PRDM5: variants seen among roughly 807,000 people sequenced by gnomAD.
The protein encoded by PRDM5 is PR domain zinc finger protein 5.
A neutral mutation model predicts 81.2 loss-of-function variants in PRDM5; 56 were observed. The observed-to-expected ratio is 0.69, with a 90% confidence interval of 0.56 to 0.86. The LOEUF (loss-of-function observed/expected upper bound fraction) is 0.86, where lower values mean the gene tolerates loss of function less well. Ranked by LOEUF, PRDM5 falls within the 40% of genes least tolerant of loss-of-function variation. The pLI is 0.00. For missense variants in PRDM5, 697 were observed against 770.1 expected, an observed-to-expected ratio of 0.91 and a Z score of 1.12; for synonymous variants, 267 against 256.4, an observed-to-expected ratio of 1.04 and a Z score of -0.39.
At chr4:120,914,671 T>A (rs1054521152) in intron 1 of PRDM5, among the ~76,000 whole-genome samples, 3 of 152,146 alleles carry the variant, frequency 2.0e-5, no homozygotes, top group Non-Finnish European at 4.4e-5. Context: ...ATGCTTTGTA[T>A]CAACTGCATT....
intron 10 of PRDM5, 98 bp from the exon 11 acceptor site, chr4:120,785,189 G>C (rs1578725391): frequency 1.1e-6 from 1 of 913,872 alleles, no homozygotes; most frequent in East Asian, 2.5e-5. Context: ...GAGGAAAGAA[G>C]GGAAGGTGGA....
chr4:120,732,643 C>T (rs1740441177), intron 14 of PRDM5, among the ~76,000 whole-genome samples: 1 of 151,976 alleles, frequency 6.6e-6, no homozygotes, highest in Non-Finnish European at 1.5e-5. Flanking sequence ...TAACATATTA[C>T]TAAAAATAAA....
chr4:120,906,770 G>A (rs1579199578), intron 2 of PRDM5, among the ~76,000 whole-genome samples: 1 of 152,130 alleles, frequency 6.6e-6, no homozygotes, highest in Non-Finnish European at 1.5e-5. Flanking sequence ...ACATTTTAAG[G>A]CGGGATTTTT....
At chr4:120,724,610 G>T (rs1167984981) in intron 14 of PRDM5, among the ~76,000 whole-genome samples, 1 of 152,134 alleles carries the variant, frequency 6.6e-6, no homozygotes, top group African/African-American at 2.4e-5. Flanking sequence ...ATGTGATGGT[G>T]GCAAGTGTAA....
chr4:120,741,698 C>T (rs186696306), intron 14 of PRDM5, among the ~76,000 whole-genome samples: 5 of 152,184 alleles, frequency 3.3e-5, no homozygotes, highest in African/African-American at 9.6e-5. Flanking sequence ...TCACTCCCAC[C>T]CGAATACTGC....
At chr4:120,910,117 T>A (rs1049275934) in intron 1 of PRDM5, among the ~76,000 whole-genome samples, 1 of 152,124 alleles carries the variant, frequency 6.6e-6, no homozygotes, top group Non-Finnish European at 1.5e-5. Context: ...ACAGAACTCA[T>A]TGATGGGCTG....
At chr4:120,738,432 T>C (rs1271347001) in intron 14 of PRDM5, among the ~76,000 whole-genome samples, 1 of 152,140 alleles carries the variant, frequency 6.6e-6, no homozygotes, top group Non-Finnish European at 1.5e-5. Flanking sequence ...TAATTTAACT[T>C]ATTTATATAA....
At chr4:120,858,798 AT>A (rs138266022) in intron 2 of PRDM5, among the ~76,000 whole-genome samples, 18,309 of 152,218 alleles carry the variant, frequency 0.12, 1,306 homozygotes, top group East Asian at 0.17. Context: ...TACAAAGTTA[AT>A]ATAAAAGTAC....
At chr4:120,882,455 T>A (rs1164112986) in intron 2 of PRDM5, among the ~76,000 whole-genome samples, 1 of 152,148 alleles carries the variant, frequency 6.6e-6, no homozygotes, top group Non-Finnish European at 1.5e-5. Context: ...GCCACCTTCT[T>A]CCATCTTCAT....
chr4:120,916,032 A>G (rs1274194763), intron 1 of PRDM5, among the ~76,000 whole-genome samples: 1 of 152,188 alleles, frequency 6.6e-6, no homozygotes, highest in Non-Finnish European at 1.5e-5. Flanking sequence ...CAAGTGTTAT[A>G]AGAAATGTTA....
chr4:120,694,825 C>A lies in PRDM5; in HGVS notation c.*286G>T. 1 of 399,342 alleles carries A rather than the reference C, an allele frequency of 2.5e-6. No individual in the cohort carries two copies. Among genetic ancestry groups the A allele is most frequent in the South Asian group, 2.5e-5 (1 of 40,208 alleles). 24.7% of individuals were successfully genotyped at this position (399,342 alleles called of 1,614,324 possible). A position where few individuals can be genotyped will look rare whatever the true frequency, so the allele number is the denominator to read the frequency against. On this transcript the variant is annotated 3_prime_UTR_variant, in exon 16 of 16. Transcript: ENST00000264808. ...TATAAACTTCATTACAGAGGGATGG[C>A]CAAGAAAGAGAGCCATGACTCCTTT...
At chr4:120,774,944 G>A (rs13109205) in intron 13 of PRDM5, among the ~76,000 whole-genome samples, 1 of 101,194 alleles carries the variant, frequency 9.9e-6, no homozygotes, top group African/African-American at 3.0e-5. Flanking sequence ...ATGTATATAT[G>A]TGTGTGTATA....
At chr4:120,695,461 C>T (rs915546407) in intron 15 of PRDM5, among the ~76,000 whole-genome samples, 186 bp from the exon 16 acceptor site, 5 of 152,128 alleles carry the variant, frequency 3.3e-5, no homozygotes, top group African/African-American at 1.2e-4. Flanking sequence ...GAAACAACTC[C>T]CTGGCAACAA....
chr4:120,775,029 TTATC>T (rs1214949255), intron 13 of PRDM5, among the ~76,000 whole-genome samples: 1 of 150,852 alleles, frequency 6.6e-6, no homozygotes, highest in African/African-American at 2.4e-5. Context: ...TATAATTTCT[TTATC>T]TATCAATCAA....
chr4:120,701,414 A>G (rs1025763029), intron 15 of PRDM5, among the ~76,000 whole-genome samples: 1 of 152,206 alleles, frequency 6.6e-6, no homozygotes, highest in Admixed American at 6.5e-5. Flanking sequence ...ACAATAGCAG[A>G]GACATGGAAT....
At chr4:120,698,601 G>A (rs2148992699) in intron 15 of PRDM5, among the ~76,000 whole-genome samples, 1 of 152,264 alleles carries the variant, frequency 6.6e-6, no homozygotes, top group African/African-American at 2.4e-5. Context: ...CAACAGTGGA[G>A]TACTTAACTG....
At position 120,843,799 on chromosome 4, in the gene PRDM5, A is replaced by T. The variant is rs565468868; in HGVS notation, c.300+9619T>A. 2.3e-3 allele frequency among the ~76,000 whole-genome samples: 347 copies of T among 152,244 alleles called. 1 individual carries two copies. Among genetic ancestry groups the T allele is most frequent in the African/African-American group, 7.8e-3 (324 of 41,538 alleles). On this transcript the variant is annotated intron_variant, in intron 3 of 15. Transcript: ENST00000264808. ...TTGGCACAAACATATAGGCATAATG[A>T]TTTTAATCTTATCCCTAGGGTCACC...
At chr4:120,756,652 G>A (rs1744785401) in intron 13 of PRDM5, among the ~76,000 whole-genome samples, 1 of 152,212 alleles carries the variant, frequency 6.6e-6, no homozygotes, top group South Asian at 2.1e-4. Context: ...ATAGCAGAAT[G>A]TGACTGCTAA....
intron 14 of PRDM5, among the ~76,000 whole-genome samples, chr4:120,728,984 T>C (rs1469889855): frequency 2.0e-5 from 3 of 152,182 alleles, no homozygotes; most frequent in East Asian, 1.9e-4. Flanking sequence ...CCTCAGAAGC[T>C]AGGAAACTGA....
Sources: allele counts gnomAD v4.1 joint callset (sites outside exome capture counted in the v4.1 genomes callset), GRCh38; gene constraint gnomAD v4.1.1; transcripts MANE v1.5; gene names NCBI Gene and HGNC (gene_info 2026-07-23, HGNC 2026-07-21).